The following SMC2 variants were observed in gnomAD, a reference collection of about 807,000 sequenced individuals.
The protein encoded by SMC2 is structural maintenance of chromosomes 2, also known as structural maintenance of chromosomes protein 2.
A neutral mutation model predicts 142.6 loss-of-function variants in SMC2; 41 were observed. That is an observed-to-expected ratio of 0.29 (90% CI 0.22 to 0.37). SMC2 has a LOEUF of 0.37. SMC2 is among the 10% of genes least tolerant of loss of function. The pLI, the probability that SMC2 is intolerant of heterozygous loss-of-function variation, is 1.00. For missense variants in SMC2, 1,265 were observed against 1,373.7 expected, an observed-to-expected ratio of 0.92 and a Z score of 1.25; for synonymous variants, 463 against 457.5, an observed-to-expected ratio of 1.01 and a Z score of -0.15.
Position 104,139,169 on chromosome 9 carries a change from T to C in SMC2, c.3448T>C (p.Phe1150Leu). The C allele has an allele frequency of 6.3e-7, 1 of 1,589,802 alleles. No homozygotes were observed. Among genetic ancestry groups the C allele is most frequent in the Non-Finnish European group, 8.5e-7 (1 of 1,173,026 alleles). The change falls in exon 25 of 25, where the codon TTC becomes CTC. Residue 1150 changes from phenylalanine (F) to leucine (L), a missense_variant. Phe to Leu is a conservative substitution (Grantham distance 22). Around this residue, in one of 4 missense-constraint regions of SMC2, gnomAD observed 192 missense variants for 261.9 expected, o/e 0.73. Coordinates refer to ENST00000374793, the MANE Select transcript of SMC2 (RefSeq NM_006444.3). The part of the protein sequence containing the change: ...FIVVSLKEGM[F>L]NNANVLFKTK... ...TGTGGTGTCACTAAAAGAAGGTATG[T>C]TCAACAATGCAAACGTTCTTTTCAA... is the stretch of plus-strand genomic sequence containing the variant.
rs758899587 is a variant in SMC2, at chr9:104,095,508, T to C, written c.124T>C (p.Leu42=). 15 of 1,614,114 alleles carry C rather than the reference T, an allele frequency of 9.3e-6. No homozygotes were observed. The highest frequency in any genetic ancestry group is 1.7e-4 in the Middle Eastern group (1 of 6,056). Residue 42 remains leucine, a synonymous_variant, in exon 2 of 25, where the codon TTG becomes CTG. Coordinates refer to ENST00000374793, the MANE Select transcript of SMC2 (RefSeq NM_006444.3). The part of the protein sequence containing the change: ...GLNGSGKSNI[L]DSICFLLGIS... The stretch of plus-strand genomic sequence containing the variant: ...AAATGGTAGTGGGAAATCCAACATA[T>C]TGGACTCCATCTGCTTTTTGCTGGG...
intron 16 of SMC2, among the ~76,000 whole-genome samples, chr9:104,121,408 A>G (rs966107354): frequency 6.6e-6 from 1 of 151,902 alleles, no homozygotes; most frequent in Non-Finnish European, 1.5e-5. Flanking sequence ...AGGTGGGTGG[A>G]TTGTTGGAGC....
intron 23 of SMC2, 101 bp downstream of exon 23, chr9:104,134,676 A>G: frequency 1.3e-6 from 1 of 787,128 alleles, no homozygotes; most frequent in Non-Finnish European, 1.9e-6. Context: ...CTTTGCATGT[A>G]GAATTTAAGG....
rs753870672 is a variant in SMC2 at position 104,129,771 on chromosome 9, C to A, written c.2917C>A (p.Gln973Lys). 6.2e-7 allele frequency: 1 copy of A among 1,613,774 alleles called. No individual in the cohort carries two copies. The highest frequency in any genetic ancestry group is 8.5e-7 in the Non-Finnish European group (1 of 1,179,862). Residue 973 changes from glutamine (Q) to lysine (K), a missense_variant, in exon 21 of 25, where the codon CAA becomes AAA. Physicochemically the swap from Gln to Lys is moderately conservative, Grantham distance 53. Transcript: ENST00000374793. Reference sequence around the variant, plus strand: ...AGCTGGTCAGAGACTTCAGAAGTTGCAAGAAATGAAGGAGAAACTAGGAAG... The same window carrying A: ...AGCTGGTCAGAGACTTCAGAAGTTGAAAGAAATGAAGGAGAAACTAGGAAG... ...KEAGQRLQKLQEMKEKLGRNV... is the reference protein window; with the variant it reads ...KEAGQRLQKLKEMKEKLGRNV...
In SMC2 at chr9:104,112,685, A is replaced by G. The variant is rs12551241; in HGVS notation, c.1255-631A>G. Among the ~76,000 whole-genome samples the G allele has an allele frequency of 8.3e-3, 1,265 of 152,282 alleles. 9 individuals carry two copies. The highest frequency in any genetic ancestry group is 0.013 in the Non-Finnish European group (908 of 67,994). The stretch of plus-strand genomic sequence containing the variant: ...AACTGGGAAAAATACATCATTATAC[A>G]GTTTTGGAGGATACCCCCATCTAAA... On this transcript the variant is annotated intron_variant, in intron 10 of 24. Coordinates refer to ENST00000374793, the MANE Select transcript of SMC2 (RefSeq NM_006444.3).
At chr9:104,118,418 A>T in intron 15 of SMC2, 43 bp downstream of exon 15, 1 of 1,506,270 alleles carries the variant, frequency 6.6e-7, no homozygotes, top group East Asian at 2.3e-5. Flanking sequence ...TTTGTGGTAA[A>T]TAGGAAGATG....
At position 104,125,088 on chromosome 9, in the gene SMC2, A is replaced by G; in HGVS notation, c.2434A>G (p.Met812Val). 2 of 1,574,022 alleles carry G rather than the reference A, an allele frequency of 1.3e-6. No homozygotes were observed. The highest frequency in any genetic ancestry group is 2.4e-5 in the South Asian group (2 of 83,270). Residue 812 changes from methionine (M) to valine (V), a missense_variant, in exon 18 of 25, where the codon ATG becomes GTG. Met to Val is a conservative substitution (Grantham distance 21). Around this residue, in one of 4 missense-constraint regions of SMC2, gnomAD observed 898 missense variants for 904.2 expected, o/e 0.99. Coordinates refer to ENST00000374793, the MANE Select transcript of SMC2 (RefSeq NM_006444.3). The part of the protein sequence containing the change: ...KTKADASSKK[M>V]KEKQQEVEAI... ...AAAGGCAGATGCATCTAGCAAGAAG[A>G]TGAAAGAAAAACAACAGGTAATAAC...
chr9:104,101,893 C>T, intron 7 of SMC2, 67 bp from the exon 8 acceptor site: 2 of 952,516 alleles, frequency 2.1e-6, no homozygotes, highest in Non-Finnish European at 3.2e-6. Context: ...TTTGTTTCAT[C>T]TTGCATAATT....
At position 104,139,145 on chromosome 9, in the gene SMC2, G is replaced by T; in HGVS notation, c.3424G>T (p.Val1142Leu). Residue 1142 changes from valine (V) to leucine (L), a missense_variant, in exon 25 of 25, where the codon GTG becomes TTG. By Grantham distance (32) the Val-to-Leu change is conservative. This residue lies in a region of SMC2 where 192 missense variants were observed against 261.9 expected (regional missense o/e 0.73). Transcript: ENST00000374793. ...RTHFTHSQFI[V>L]VSLKEGMFNN... is the part of the protein sequence containing the mutation. ...TTTTTCTTTTTTCCTTAAGTTCATT[G>T]TGGTGTCACTAAAAGAAGGTATGTT... 1.3e-6 allele frequency: 2 copies of T among 1,550,714 alleles called. No individual in the cohort carries two copies. The highest frequency in any genetic ancestry group is 1.7e-6 in the Non-Finnish European group (2 of 1,159,188).
chr9:104,113,507 TGAG>T lies in SMC2; in HGVS notation c.1414+37_1414+39del, dbSNP rs754774956. On this transcript the variant is annotated intron_variant, in intron 11 of 24. Transcript: ENST00000374793. Reference sequence around the variant, plus strand: ...CTTTAAAAACATGATAATCAGATCATGAGGAGGTAGTGATTTTTGATAAAAAGC... The same window carrying T: ...CTTTAAAAACATGATAATCAGATCATGAGGTAGTGATTTTTGATAAAAAGC... 4 of 1,517,224 alleles carry T rather than the reference TGAG, an allele frequency of 2.6e-6. No individual in the cohort carries two copies. The African/African-American group carries it at 4.2e-5, about 16-fold the overall frequency. 94.0% of individuals were successfully genotyped at this position (1,517,224 alleles called of 1,614,324 possible). A position where few individuals can be genotyped will look rare whatever the true frequency, so the allele number is the denominator to read the frequency against.
At position 104,114,621 on chromosome 9, in the gene SMC2, C is replaced by T. The variant is rs79382095; in HGVS notation, c.1533-70C>T. 0.018 allele frequency: 24,044 copies of T among 1,365,204 alleles called. 1,257 individuals carry two copies. The African/African-American group carries it at 0.18, about 10-fold the overall frequency. 84.6% of individuals were successfully genotyped at this position (1,365,204 alleles called of 1,614,324 possible). On this transcript the variant is annotated intron_variant, in intron 12 of 24. Coordinates refer to ENST00000374793, the MANE Select transcript of SMC2 (RefSeq NM_006444.3). ...TTTAATGTGTTGTCCAAAAGAGCTC[C>T]TGATGAGTAAAGTATAACTTTTTCT...
At chr9:104,098,402 G>A in intron 3 of SMC2, 44 bp from the exon 4 acceptor site, 1 of 1,493,620 alleles carries the variant, frequency 6.7e-7, no homozygotes, top group Non-Finnish European at 9.0e-7. Context: ...CTAGCACAAG[G>A]TGTGCATGTA....
In SMC2 at chr9:104,100,148, T is replaced by C. The variant is rs373566631; in HGVS notation, c.536T>C (p.Ile179Thr). The change falls in exon 6 of 25, where the codon ATA (isoleucine) becomes ACA (threonine). Residue 179 changes from isoleucine (I) to threonine (T), a missense_variant. Physicochemically the swap from Ile to Thr is moderately conservative, Grantham distance 89 (BLOSUM62 -1). Coordinates refer to ENST00000374793, the MANE Select transcript of SMC2 (RefSeq NM_006444.3). ...ACCAGGATGTATGAATACAAAAAAATAGCTGCACAGAAAACTATAGAAAAA... is the reference window on the plus strand; with the variant it reads ...ACCAGGATGTATGAATACAAAAAAACAGCTGCACAGAAAACTATAGAAAAA... ...AGTRMYEYKK[I>T]AAQKTIEKKE... 24 of 1,579,188 alleles carry C rather than the reference T, an allele frequency of 1.5e-5. No individual in the cohort carries two copies. The highest frequency in any genetic ancestry group is 1.8e-4 in the Middle Eastern group (1 of 5,680).
chr9:104,099,217 G>A (rs78074292), intron 4 of SMC2, among the ~76,000 whole-genome samples: 19 of 152,082 alleles, frequency 1.2e-4, no homozygotes, highest in African/African-American at 4.6e-4. Context: ...GTAAAATATT[G>A]TATTTTGTTT....
At chr9:104,092,812 G>A (rs182495780), upstream of SMC2, 40 of 152,308 alleles carry the variant, frequency 2.6e-4, no homozygotes, top group East Asian at 6.4e-3. Context: ...CCAGGGCCAA[G>A]AAAGCAACTT....
the SMC2 span, among the ~76,000 whole-genome samples, chr9:104,088,472 C>T: frequency 1.3e-5 from 2 of 151,904 alleles, no homozygotes; most frequent in South Asian, 2.1e-4. Context: ...GCAAGTAACT[C>T]GAGAAATGGA....
intron 23 of SMC2, among the ~76,000 whole-genome samples, chr9:104,136,501 C>T (rs192836015): frequency 6.6e-6 from 1 of 152,008 alleles, no homozygotes; most frequent in East Asian, 1.9e-4. Flanking sequence ...CTTACTGGGA[C>T]CTATAAATTA....
chr9:104,103,270 G>T (rs541602205), intron 9 of SMC2, among the ~76,000 whole-genome samples: 19 of 152,006 alleles, frequency 1.2e-4, no homozygotes, highest in Non-Finnish European at 2.5e-4. Context: ...AGGAGAAGTG[G>T]CCATGAGTAC....
chr9:104,093,033 C>T (rs1830062444), upstream of SMC2: 2 of 152,116 alleles, frequency 1.3e-5, no homozygotes, highest in African/African-American at 4.8e-5. Context: ...GAGAAAGCAC[C>T]CCTCCCTAGA....
Sources: gnomAD v4.1 joint callset for allele counts (sites outside exome capture counted in the v4.1 genomes callset) on GRCh38, gnomAD v4.1.1 for gene constraint, gnomAD v4.1.1 regional missense constraint, MANE v1.5 for transcripts, NCBI Gene and HGNC (gene_info 2026-07-23, HGNC 2026-07-21) for gene names.